The following CCDC178 variants were observed in gnomAD, a reference collection of about 807,000 sequenced individuals.
CCDC178 encodes the protein coiled-coil domain-containing protein 178.
In CCDC178, 126 loss-of-function variants were observed where a neutral mutation model predicts 117.4. That is an observed-to-expected ratio of 1.07 (90% CI 0.93 to 1.24). CCDC178 has a LOEUF of 1.24. CCDC178 is among the 50% of genes most tolerant of loss of function. The probability of loss-of-function intolerance (pLI) is 0.00; values close to 1 mark genes in which losing one functional copy is unlikely to be tolerated. For missense variants in CCDC178, 1,030 were observed against 986.9 expected (o/e 1.04, Z -0.59); for synonymous variants, 283 against 313.4 (o/e 0.90, Z 1.02).
chr18:33,259,402 A>T (rs1255160130), intron 14 of CCDC178, among the ~76,000 whole-genome samples: 2 of 152,198 alleles, frequency 1.3e-5, no homozygotes, highest in Non-Finnish European at 2.9e-5. Context: ...ACTGGGTAAT[A>T]TATGAAGAAA....
chr18:33,207,395 A>G (rs1439690776), intron 20 of CCDC178, among the ~76,000 whole-genome samples: 1 of 152,030 alleles, frequency 6.6e-6, no homozygotes, highest in Non-Finnish European at 1.5e-5. Context: ...ATGCAATTTG[A>G]TATTTGAAAA....
chr18:33,383,142 T>C (rs537153930), intron 5 of CCDC178, among the ~76,000 whole-genome samples: 7 of 152,174 alleles, frequency 4.6e-5, no homozygotes, highest in Non-Finnish European at 1.0e-4. Flanking sequence ...ACTGCTTCTT[T>C]AGATCCCTCC....
At chr18:32,966,707 T>G (rs1469246714) in intron 22 of CCDC178, among the ~76,000 whole-genome samples, 1 of 151,872 alleles carries the variant, frequency 6.6e-6, no homozygotes, top group Non-Finnish European at 1.5e-5. Context: ...GTTCGGATTT[T>G]GAGTATGATT....
Position 33,193,511 on chromosome 18 carries a change from A to T in CCDC178, c.2238+18385T>A, listed in dbSNP as rs556562014. Among the ~76,000 whole-genome samples the T allele has an allele frequency of 4.4e-4, 67 of 152,292 alleles. 1 individual carries two copies. The South Asian group carries it at 0.014, about 32-fold the overall frequency. On this transcript the variant is annotated intron_variant, in intron 20 of 22. Coordinates refer to ENST00000383096, the MANE Select transcript of CCDC178 (RefSeq NM_001105528.4). ...TTTGAAAGTCTTTAGGTTGAAATATATTTAACTTTCCTAACTCCACATTGT... is the reference window on the plus strand; with the variant it reads ...TTTGAAAGTCTTTAGGTTGAAATATTTTTAACTTTCCTAACTCCACATTGT...
chr18:33,235,997 A>G (rs1457189834), intron 15 of CCDC178, among the ~76,000 whole-genome samples: 2 of 152,226 alleles, frequency 1.3e-5, no homozygotes, highest in African/African-American at 2.4e-5. Context: ...AATTAGAGAA[A>G]GTGCTAGACA....
At chr18:33,245,053 TGAGCC>T (rs1255843297) in intron 15 of CCDC178, among the ~76,000 whole-genome samples, 187 bp downstream of exon 15, 1 of 151,968 alleles carries the variant, frequency 6.6e-6, no homozygotes, top group African/African-American at 2.4e-5. Flanking sequence ...TTAGCTACAT[TGAGCC>T]CTCATCCTCT....
At chr18:33,110,952 T>G (rs377660810) in intron 20 of CCDC178, among the ~76,000 whole-genome samples, 2 of 151,604 alleles carry the variant, frequency 1.3e-5, no homozygotes, top group African/African-American at 4.8e-5. Context: ...TTAAGTAGGA[T>G]TGCATCACAC....
chr18:33,196,372 C>T (rs1213467840), intron 20 of CCDC178, among the ~76,000 whole-genome samples: 5 of 152,074 alleles, frequency 3.3e-5, no homozygotes, highest in East Asian at 1.9e-4. Context: ...AAAGGATGAA[C>T]GGAAGCTCCG....
chr18:33,245,570 A>G (rs969173570), intron 14 of CCDC178, 142 bp from the exon 15 acceptor site: 3 of 930,408 alleles, frequency 3.2e-6, no homozygotes, highest in Non-Finnish European at 2.9e-6. Flanking sequence ...TTGAAGACAG[A>G]ACATGTGTCC....
At chr18:33,316,913 G>C (rs1288615401) in intron 11 of CCDC178, among the ~76,000 whole-genome samples, 2 of 151,876 alleles carry the variant, frequency 1.3e-5, no homozygotes, top group Admixed American at 6.6e-5. Flanking sequence ...ATCTAGTGGG[G>C]ACATGGAGAA....
intron 6 of CCDC178, among the ~76,000 whole-genome samples, chr18:33,366,218 C>A (rs1258153867): frequency 6.6e-6 from 1 of 151,872 alleles, no homozygotes; most frequent in East Asian, 1.9e-4. Flanking sequence ...TAATCCTAAC[C>A]TTTTGGGAGG....
chr18:33,004,535 G>T (rs1327138293), intron 21 of CCDC178, among the ~76,000 whole-genome samples: 1 of 151,824 alleles, frequency 6.6e-6, no homozygotes, highest in Non-Finnish European at 1.5e-5. Context: ...GAAACCTGGG[G>T]AAATGCTACA....
intron 20 of CCDC178, among the ~76,000 whole-genome samples, chr18:33,151,159 T>G (rs2058337658): frequency 6.6e-6 from 1 of 152,070 alleles, no homozygotes; most frequent in Non-Finnish European, 1.5e-5. Flanking sequence ...TTGGGTGATT[T>G]TGGAGCACCA....
intron 22 of CCDC178, among the ~76,000 whole-genome samples, chr18:32,938,940 T>C (rs994057761): frequency 6.6e-6 from 1 of 152,162 alleles, no homozygotes; most frequent in Non-Finnish European, 1.5e-5. Flanking sequence ...CTGCTGCCAT[T>C]CTAAATGCAT....
chr18:33,407,726 A>G (rs2144883421), intron 3 of CCDC178, among the ~76,000 whole-genome samples: 1 of 152,190 alleles, frequency 6.6e-6, no homozygotes, highest in Middle Eastern at 3.4e-3. Context: ...ATAACTTGCT[A>G]ATCAATAGTG....
intron 21 of CCDC178, among the ~76,000 whole-genome samples, chr18:33,034,179 T>C (rs1252216299): frequency 1.3e-5 from 2 of 151,988 alleles, no homozygotes; most frequent in Non-Finnish European, 2.9e-5. Flanking sequence ...CTCTGAATTA[T>C]GTCTCATTTC....
intron 16 of CCDC178, 143 bp downstream of exon 16, chr18:33,226,650 G>T: frequency 2.0e-6 from 1 of 500,812 alleles, no homozygotes. Context: ...GTACACAGAG[G>T]GCAACTGCCA....
At chr18:33,396,924 T>A (rs539974851) in intron 4 of CCDC178, among the ~76,000 whole-genome samples, 1 of 152,252 alleles carries the variant, frequency 6.6e-6, no homozygotes, top group South Asian at 2.1e-4. Flanking sequence ...TAAGTATGCA[T>A]TATTCAAAAC....
At chr18:33,325,553 T>G (rs1342829548) in intron 10 of CCDC178, among the ~76,000 whole-genome samples, 1 of 152,118 alleles carries the variant, frequency 6.6e-6, no homozygotes, top group Non-Finnish European at 1.5e-5. Context: ...CTCCTCTTCT[T>G]TGGACTAAAT....
Sources: gnomAD v4.1 joint callset for allele counts (sites outside exome capture counted in the v4.1 genomes callset) on GRCh38, gnomAD v4.1.1 for gene constraint, MANE v1.5 for transcripts, NCBI Gene and HGNC (gene_info 2026-07-23, HGNC 2026-07-21) for gene names.